NDST1: variants seen among roughly 807,000 people sequenced by gnomAD.
NDST1 encodes bifunctional heparan sulfate N-deacetylase/N-sulfotransferase 1.
A neutral mutation model predicts 92.8 loss-of-function variants in NDST1; 35 were observed. The ratio of observed to expected loss-of-function variants is 0.38; its 90% CI spans 0.29 to 0.50. The LOEUF (loss-of-function observed/expected upper bound fraction) is 0.50, where lower values mean the gene tolerates loss of function less well. NDST1 is among the 20% of genes least tolerant of loss of function. The pLI is 0.94. For synonymous variants in NDST1, 493 were observed against 500.3 expected (o/e 0.99, Z 0.19); for missense variants, 822 against 1,182.7 (o/e 0.69, Z 4.47).
intron 1 of NDST1, among the ~76,000 whole-genome samples, 199 bp from the exon 2 acceptor site, chr5:150,520,669 T>C (rs1754207534): frequency 6.6e-6 from 1 of 152,186 alleles, no homozygotes; most frequent in Non-Finnish European, 1.5e-5. Context: ...GATGGGTTCA[T>C]ATTATTTATT....
rs553256417 is a variant in NDST1 at position 150,539,459 on chromosome 5, T to A, written c.1566+103T>A. ...GGAGCCAGGAAAGGGTGGAGAGGCA[T>A]GAGTGAGTGCCTGGCAGTTGGGAGA... On this transcript the variant is annotated intron_variant, in intron 7 of 14. Coordinates refer to ENST00000261797, the MANE Select transcript of NDST1 (RefSeq NM_001543.5). 8 of 1,602,198 alleles carry A rather than the reference T, an allele frequency of 5.0e-6. No individual in the cohort carries two copies. In the Admixed American group the frequency reaches 1.0e-4, roughly 20 times the overall value.
At chr5:150,543,046 G>A in intron 10 of NDST1, 75 bp downstream of exon 10, 1 of 1,590,676 alleles carries the variant, frequency 6.3e-7, no homozygotes, top group South Asian at 1.1e-5. Flanking sequence ...TGTGGCCACA[G>A]CAGGAAGCAG....
At chr5:150,532,021 C>T (rs898905401) in intron 3 of NDST1, among the ~76,000 whole-genome samples, 1 of 152,144 alleles carries the variant, frequency 6.6e-6, no homozygotes, top group African/African-American at 2.4e-5. Context: ...AGAAATCCTC[C>T]ACATTTGATA....
Position 150,520,882 on chromosome 5 carries a change from G to T in NDST1, c.-373G>T. ...ACTCTCCACAGCCTTAGCCCCGTGGGCCCCACGGAGTGAGCGGCATGCAGC... is the reference window on the plus strand; with the variant it reads ...ACTCTCCACAGCCTTAGCCCCGTGGTCCCCACGGAGTGAGCGGCATGCAGC... On this transcript the variant is annotated 5_prime_UTR_variant, in exon 2 of 15. Transcript: ENST00000261797. 1 of 473,168 alleles carries T rather than the reference G, an allele frequency of 2.1e-6. No homozygotes were observed. Among genetic ancestry groups the T allele is most frequent in the Non-Finnish European group, 3.7e-6 (1 of 269,970 alleles). The allele number at this position is 473,168 out of a possible 1,614,324, so 29.3% of individuals were successfully genotyped here.
At chr5:150,509,227 G>T (rs1398328329) in intron 1 of NDST1, among the ~76,000 whole-genome samples, 1 of 152,232 alleles carries the variant, frequency 6.6e-6, no homozygotes, top group Non-Finnish European at 1.5e-5. Flanking sequence ...CGGGCATGCG[G>T]GAGGGTGGGG....
intron 6 of NDST1, 42 bp from the exon 7 acceptor site, chr5:150,539,186 G>T: frequency 6.6e-7 from 1 of 1,523,414 alleles, no homozygotes; most frequent in Non-Finnish European, 9.1e-7. Flanking sequence ...CCACCCTCAT[G>T]CCAGAAGGCA....
At chr5:150,532,863 C>T (rs939583237) in intron 3 of NDST1, 82 bp from the exon 4 acceptor site, 23 of 1,266,504 alleles carry the variant, frequency 1.8e-5, no homozygotes, top group Middle Eastern at 1.8e-4. Flanking sequence ...GGGATTTCCA[C>T]GTTTTTTCAC....
chr5:150,500,958 G>C (rs2151234260), intron 1 of NDST1, among the ~76,000 whole-genome samples: 1 of 152,278 alleles, frequency 6.6e-6, no homozygotes, highest in Admixed American at 6.5e-5. Context: ...CATCTAGCTG[G>C]GACAATCATC....
rs138424339 is a variant in NDST1 at position 150,528,181 on chromosome 5, C to T, written c.891C>T (p.Ala297=). The change falls in exon 3 of 15, where the codon GCC becomes GCT. Residue 297 remains alanine, a synonymous_variant. Coordinates refer to ENST00000261797, the MANE Select transcript of NDST1 (RefSeq NM_001543.5). Reference sequence around the variant, plus strand: ...TGCACAAGCTTGTCTTCGTGGATGCCGTGGCCTTCCTCACGGGGAAGCGCC... The same window carrying T: ...TGCACAAGCTTGTCTTCGTGGATGCTGTGGCCTTCCTCACGGGGAAGCGCC... ...FWLHKLVFVD[A]VAFLTGKRLS... 8.1e-5 allele frequency: 131 copies of T among 1,614,212 alleles called. No homozygotes were observed. Among genetic ancestry groups the T allele is most frequent in the Admixed American group, 5.5e-4 (33 of 60,032 alleles).
intron 5 of NDST1, 48 bp from the exon 6 acceptor site, chr5:150,535,652 A>T: frequency 6.2e-7 from 1 of 1,607,932 alleles, no homozygotes; most frequent in Non-Finnish European, 8.5e-7. Flanking sequence ...TAAGGCCCAA[A>T]GGGGAAGGAC....
Position 150,545,488 on chromosome 5 carries a change from T to C in NDST1, c.2145+2T>C. On this transcript the variant is annotated splice_donor_variant, in intron 11 of 14. Transcript: ENST00000261797. LOFTEE classifies it high-confidence loss of function. ...GACCGGGCCTATTCCTGGTACCAGG[T>C]GAGTGGGGCTGGGGTGGAGTCCCTG... is the stretch of plus-strand genomic sequence containing the variant. 1 of 1,614,014 alleles carries C rather than the reference T, an allele frequency of 6.2e-7. No individual in the cohort carries two copies. The highest frequency in any genetic ancestry group is 8.5e-7 in the Non-Finnish European group (1 of 1,179,990).
intron 1 of NDST1, among the ~76,000 whole-genome samples, chr5:150,513,831 G>T (rs1753836388): frequency 6.6e-6 from 1 of 152,194 alleles, no homozygotes; most frequent in Non-Finnish European, 1.5e-5. Flanking sequence ...TTCTCTTATG[G>T]GTCCGGGGCA....
In NDST1 at chr5:150,551,889, A is replaced by G. The variant is rs374607116; in HGVS notation, c.2529+34A>G. On this transcript the variant is annotated intron_variant, in intron 14 of 14. Transcript: ENST00000261797. Reference sequence around the variant, plus strand: ...TGGACACACTACCTGTAGCACCTGCATAAGGGTAAGGGGTCCCTGTATGGA... The same window carrying G: ...TGGACACACTACCTGTAGCACCTGCGTAAGGGTAAGGGGTCCCTGTATGGA... 2.5e-6 allele frequency: 4 copies of G among 1,609,730 alleles called. No individual in the cohort carries two copies. The African/African-American group carries it at 4.0e-5, about 16-fold the overall frequency.
intron 1 of NDST1, among the ~76,000 whole-genome samples, chr5:150,513,978 G>A (rs1171107569): frequency 6.6e-6 from 1 of 152,254 alleles, no homozygotes; most frequent in Non-Finnish European, 1.5e-5. Context: ...ATTATCCTCA[G>A]CACCTTGGCA....
rs1158216423 is a variant in NDST1, at chr5:150,553,405, A to G, written c.*73A>G. On this transcript the variant is annotated 3_prime_UTR_variant, in exon 15 of 15. Transcript: ENST00000261797. This position sits in a 1 kb window ranked among gnomAD's most constrained non-coding sequence, Gnocchi z 4.2. ...CCACCACACGCTGAGCCAGACCTGC[A>G]GAGTGGGAAGCTGGACCAGGGCAGC... 25 of 1,581,796 alleles carry G rather than the reference A, an allele frequency of 1.6e-5. No individual in the cohort carries two copies. The highest frequency in any genetic ancestry group is 2.1e-5 in the Non-Finnish European group (24 of 1,156,832).
chr5:150,526,303 T>G (rs1469683725), intron 2 of NDST1, among the ~76,000 whole-genome samples: 1 of 152,230 alleles, frequency 6.6e-6, no homozygotes. Flanking sequence ...TCAGTGAATG[T>G]CTCTCTTCCC....
chr5:150,548,013 G>A (rs747894618), intron 11 of NDST1, among the ~76,000 whole-genome samples: 15 of 152,114 alleles, frequency 9.9e-5, no homozygotes, highest in South Asian at 4.1e-4. Flanking sequence ...TCCAGTTCCC[G>A]TATTTCAAAG....
chr5:150,555,419 G>A lies in NDST1; in HGVS notation c.*2087G>A, dbSNP rs1755849755. On this transcript the variant is annotated 3_prime_UTR_variant, in exon 15 of 15. Coordinates refer to ENST00000261797, the MANE Select transcript of NDST1 (RefSeq NM_001543.5). ...GGATGAAGAAAGTTGGACACTCAGTGGGACCAGCTGCAGGTGGTTTCACTG... is the reference window on the plus strand; with the variant it reads ...GGATGAAGAAAGTTGGACACTCAGTAGGACCAGCTGCAGGTGGTTTCACTG... The A allele has an allele frequency of 6.5e-6, 1 of 152,838 alleles. No homozygotes were observed. Among genetic ancestry groups the A allele is most frequent in the Non-Finnish European group, 1.5e-5 (1 of 68,202 alleles). The allele number at this position is 152,838 out of a possible 1,614,324, so 9.5% of individuals were successfully genotyped here. A position where few individuals can be genotyped will look rare whatever the true frequency, so the allele number is the denominator to read the frequency against.
At chr5:150,534,437 G>A (rs1310371499) in intron 4 of NDST1, among the ~76,000 whole-genome samples, 1 of 152,106 alleles carries the variant, frequency 6.6e-6, no homozygotes, top group East Asian at 1.9e-4. Context: ...GCATATCAGA[G>A]GTGGTTATAG....
Sources: gnomAD v4.1 joint callset for allele counts (sites outside exome capture counted in the v4.1 genomes callset) on GRCh38, gnomAD v4.1.1 for gene constraint, Gnocchi (gnomAD v3.1) non-coding constraint, MANE v1.5 for transcripts, NCBI Gene and HGNC (gene_info 2026-07-23, HGNC 2026-07-21) for gene names.